Variants in NOX4 observed in about 807,000 individuals in gnomAD.
The protein encoded by NOX4 is kidney oxidase-1.
A neutral mutation model predicts 87.6 loss-of-function variants in NOX4; 69 were observed. The ratio of observed to expected loss-of-function variants is 0.79; its 90% CI spans 0.65 to 0.96. The LOEUF (loss-of-function observed/expected upper bound fraction) is 0.96, where lower values mean the gene tolerates loss of function less well. Ranked by LOEUF, NOX4 falls within the 40% of genes least tolerant of loss-of-function variation. The pLI is 0.00. For missense variants in NOX4, 680 were observed against 681.5 expected, an observed-to-expected ratio of 1.00 and a Z score of 0.02; for synonymous variants, 275 against 238.2, an observed-to-expected ratio of 1.15 and a Z score of -1.42.
chr11:89,560,994 C>CTATA, the NOX4 span, among the ~76,000 whole-genome samples: 183 of 59,372 alleles, frequency 3.1e-3, no homozygotes, highest in Middle Eastern at 0.02. Context: ...CTCTCTCTCT[C>CTATA]TCTATATATA....
chr11:89,400,108 A>G, intron 10 of NOX4, 29 bp from the exon 11 acceptor site: 1 of 1,583,856 alleles, frequency 6.3e-7, no homozygotes, highest in Non-Finnish European at 8.6e-7. Flanking sequence ...ATAAGTTTTA[A>G]ATGACCAATT....
At chr11:89,424,501 T>A (rs1157889505) in intron 7 of NOX4, among the ~76,000 whole-genome samples, 2 of 151,152 alleles carry the variant, frequency 1.3e-5, no homozygotes, top group African/African-American at 4.9e-5. Flanking sequence ...GAATTAAAAA[T>A]ACTTTTGCTT....
chr11:89,447,250 T>A (rs975242508), intron 4 of NOX4, among the ~76,000 whole-genome samples: 1 of 152,138 alleles, frequency 6.6e-6, no homozygotes, highest in South Asian at 2.1e-4. Flanking sequence ...AGTAAAATAA[T>A]CCTTTCATAT....
chr11:89,392,039 T>G (rs1268566134), intron 11 of NOX4, among the ~76,000 whole-genome samples: 1 of 150,470 alleles, frequency 6.6e-6, no homozygotes, highest in Non-Finnish European at 1.5e-5. Context: ...CAGAGAACAA[T>G]CTTTCTTTAA....
chr11:89,349,518 A>G (rs1946364243), intron 13 of NOX4, among the ~76,000 whole-genome samples: 1 of 152,112 alleles, frequency 6.6e-6, no homozygotes, highest in African/African-American at 2.4e-5. Flanking sequence ...CAAAATCACC[A>G]TTTGAAGTCA....
chr11:89,426,809 G>T (rs1002593698), intron 7 of NOX4, among the ~76,000 whole-genome samples: 1 of 152,130 alleles, frequency 6.6e-6, no homozygotes, highest in Admixed American at 6.5e-5. Flanking sequence ...GGGCATAGCC[G>T]AACAAAAGGC....
the NOX4 span, among the ~76,000 whole-genome samples, chr11:89,535,996 T>A: frequency 2.0e-5 from 3 of 152,134 alleles, no homozygotes; most frequent in South Asian, 2.1e-4. Flanking sequence ...CGGAAAACTT[T>A]ACTAACCGCT....
chr11:89,521,386 T>C, the NOX4 span, among the ~76,000 whole-genome samples: 1 of 152,046 alleles, frequency 6.6e-6, no homozygotes, highest in African/African-American at 2.4e-5. Flanking sequence ...CACCCACCTA[T>C]AGCCATTTGA....
chr11:89,523,090 T>G, the NOX4 span, among the ~76,000 whole-genome samples: 1 of 152,060 alleles, frequency 6.6e-6, no homozygotes, highest in Non-Finnish European at 1.5e-5. Context: ...AGTGGCGCGA[T>G]TTTGGATCAC....
intron 11 of NOX4, among the ~76,000 whole-genome samples, chr11:89,392,574 T>C (rs1013558169): frequency 1.1e-4 from 17 of 152,304 alleles, no homozygotes; most frequent in African/African-American, 3.8e-4. Context: ...TTCATTTATA[T>C]GACAAAAATA....
In NOX4 at chr11:89,342,068, A is replaced by G. The variant is rs375240611; in HGVS notation, c.1337+6T>C. On this transcript the variant is annotated splice_donor_region_variant and intron_variant, in intron 14 of 17. Transcript: ENST00000263317. ...TGGATTAACAAAATAGATCAAAATG[A>G]CATACAACAGGGTGTTGAGTATTGA... 1.2e-6 allele frequency: 2 copies of G among 1,603,486 alleles called. No homozygotes were observed. Among genetic ancestry groups the G allele is most frequent in the Non-Finnish European group, 1.7e-6 (2 of 1,174,370 alleles).
At chr11:89,538,534 G>A in the NOX4 span, among the ~76,000 whole-genome samples, 1 of 152,054 alleles carries the variant, frequency 6.6e-6, no homozygotes, top group Non-Finnish European at 1.5e-5. Flanking sequence ...TACATGCCCA[G>A]CAAAACTTGG....
At chr11:89,588,815 A>G in the NOX4 span, among the ~76,000 whole-genome samples, 1 of 152,214 alleles carries the variant, frequency 6.6e-6, no homozygotes, top group Admixed American at 6.5e-5. Flanking sequence ...CGAAATAAAT[A>G]CAGTGCTGTG....
chr11:89,438,739 T>C (rs1371862234), intron 6 of NOX4, among the ~76,000 whole-genome samples: 1 of 72,896 alleles, frequency 1.4e-5, no homozygotes, highest in African/African-American at 5.8e-5. Context: ...ATATATACTA[T>C]ATATAATACT....
At chr11:89,584,033 T>A in the NOX4 span, among the ~76,000 whole-genome samples, 1 of 152,186 alleles carries the variant, frequency 6.6e-6, no homozygotes, top group Non-Finnish European at 1.5e-5. Flanking sequence ...CTTACTTTCC[T>A]TCTGTTACTA....
At chr11:89,406,255 C>T (rs1942173684) in intron 8 of NOX4, among the ~76,000 whole-genome samples, 1 of 152,012 alleles carries the variant, frequency 6.6e-6, no homozygotes, top group Non-Finnish European at 1.5e-5. Flanking sequence ...TAGACAAAAT[C>T]TGATATTATC....
intron 13 of NOX4, among the ~76,000 whole-genome samples, chr11:89,353,071 G>A (rs139407569): frequency 0.08 from 12,121 of 152,182 alleles, 648 homozygotes; most frequent in Admixed American, 0.14. Flanking sequence ...CACCTGCCTC[G>A]GCTTCCCAAA....
chr11:89,441,170 G>A (rs1273212491), intron 5 of NOX4, among the ~76,000 whole-genome samples: 2 of 152,196 alleles, frequency 1.3e-5, no homozygotes, highest in African/African-American at 4.8e-5. Context: ...TGTAAGCTCA[G>A]TACGAAGAAG....
At position 89,373,287 on chromosome 11, in the gene NOX4, A is replaced by C. The variant is rs541812791; in HGVS notation, c.1135+145T>G. The C allele has an allele frequency of 2.8e-4, 135 of 484,980 alleles. No homozygotes were observed. In the East Asian group the frequency reaches 4.1e-3, roughly 15 times the overall value. 30.0% of individuals were successfully genotyped at this position (484,980 alleles called of 1,614,324 possible). A position where few individuals can be genotyped will look rare whatever the true frequency, so the allele number is the denominator to read the frequency against. ...TCAAAACTGTACAAGCAAAAAAAAA[A>C]AAAAAAAAAAACAAAAAAAAACCCA... On this transcript the variant is annotated intron_variant, in intron 12 of 17. Coordinates refer to ENST00000263317, the MANE Select transcript of NOX4 (RefSeq NM_016931.5).
Sources: gnomAD v4.1 joint callset for allele counts (sites outside exome capture counted in the v4.1 genomes callset) on GRCh38, gnomAD v4.1.1 for gene constraint, MANE v1.5 for transcripts, NCBI Gene and HGNC (gene_info 2026-07-23, HGNC 2026-07-21) for gene names.